The following TBCCD1 variants were observed in gnomAD, a reference collection of about 807,000 sequenced individuals.
The protein encoded by TBCCD1 is TBCC domain containing 1.
TBCCD1 carries 26 observed loss-of-function variants against 53.4 expected under a neutral mutation model. The observed-to-expected ratio is 0.49, with a 90% CI of 0.36 to 0.68. The LOEUF is 0.68. Among genes scored for constraint, TBCCD1 ranks in the 30% least tolerant of loss-of-function variants. TBCCD1 has a pLI of 0.00. For synonymous variants in TBCCD1, 245 were observed against 241.7 expected, an observed-to-expected ratio of 1.01 and a Z score of -0.13; for missense variants, 558 against 669.5, an observed-to-expected ratio of 0.83 and a Z score of 1.84.
intron 2 of TBCCD1, among the ~76,000 whole-genome samples, chr3:186,562,671 G>T (rs549113704): frequency 6.6e-6 from 1 of 150,712 alleles, no homozygotes; most frequent in Non-Finnish European, 1.5e-5. Flanking sequence ...TAAGACAGTA[G>T]ATCTTATGTT....
chr3:186,550,361 GA>G (rs772591656), intron 7 of TBCCD1, among the ~76,000 whole-genome samples: 2 of 152,082 alleles, frequency 1.3e-5, no homozygotes, highest in African/African-American at 2.4e-5. Context: ...AAGGCAAGTG[GA>G]TCACCTGAGG....
intron 6 of TBCCD1, 100 bp from the exon 7 acceptor site, chr3:186,551,379 G>T: frequency 8.6e-7 from 1 of 1,167,454 alleles, no homozygotes; most frequent in Non-Finnish European, 1.2e-6. Context: ...AATGTTAAAT[G>T]ATTAATTATT....
chr3:186,569,566 G>T (rs554704561), upstream of TBCCD1, among the ~76,000 whole-genome samples: 1 of 151,152 alleles, frequency 6.6e-6, no homozygotes, highest in Non-Finnish European at 1.5e-5. Context: ...TGCTCCGCCC[G>T]TCTCGGCCTC....
chr3:186,556,007 C>CT (rs1382648178), intron 4 of TBCCD1, among the ~76,000 whole-genome samples: 1 of 152,136 alleles, frequency 6.6e-6, no homozygotes, highest in Admixed American at 6.5e-5. Context: ...CTGTACCTCC[C>CT]TGCAAGCCAC....
intron 7 of TBCCD1, among the ~76,000 whole-genome samples, chr3:186,549,475 C>T (rs1025542889): frequency 6.6e-6 from 1 of 151,988 alleles, no homozygotes; most frequent in Non-Finnish European, 1.5e-5. Context: ...AGTTTAAGAC[C>T]AGCCTGGACA....
chr3:186,561,486 G>A (rs1714687224), intron 2 of TBCCD1, among the ~76,000 whole-genome samples: 1 of 152,168 alleles, frequency 6.6e-6, no homozygotes, highest in Non-Finnish European at 1.5e-5. Context: ...ATGTAAACTG[G>A]TACAGCCATT....
At position 186,546,631 on chromosome 3, in the gene TBCCD1, C is replaced by A. The variant is rs1408350458; in HGVS notation, c.*346G>T. On this transcript the variant is annotated 3_prime_UTR_variant, in exon 8 of 8. Coordinates refer to ENST00000338733, the MANE Select transcript of TBCCD1 (RefSeq NM_018138.5). Reference sequence around the variant, plus strand: ...GATCACGAGGTCAGGAAATCGAGACCATCCTGACTAACACGGTGAAACCCC... The same window carrying A: ...GATCACGAGGTCAGGAAATCGAGACAATCCTGACTAACACGGTGAAACCCC... 1 of 152,134 alleles carries A rather than the reference C, an allele frequency of 6.6e-6. No homozygotes were observed. The highest frequency in any genetic ancestry group is 1.5e-5 in the Non-Finnish European group (1 of 68,070). 9.4% of individuals were successfully genotyped at this position (152,134 alleles called of 1,614,324 possible). A position where few individuals can be genotyped will look rare whatever the true frequency, so the allele number is the denominator to read the frequency against.
rs1473134076 is a variant in TBCCD1, at chr3:186,561,491, GC to G, written c.336+2502del. 7.2e-5 allele frequency among the ~76,000 whole-genome samples: 11 copies of G among 152,274 alleles called. No homozygotes were observed. The South Asian group carries it at 2.3e-3, about 32-fold the overall frequency. ...GTCAGTGAGAATGTAAACTGGTACA[GC>G]CATTATAAAAAATAGGGCCGGGCGC... is the stretch of plus-strand genomic sequence containing the variant. On this transcript the variant is annotated intron_variant, in intron 2 of 7. Coordinates refer to ENST00000338733, the MANE Select transcript of TBCCD1 (RefSeq NM_018138.5).
chr3:186,554,396 C>T lies in TBCCD1; in HGVS notation c.1402G>A (p.Val468Ile). Residue 468 changes from valine to isoleucine, a missense_variant, in exon 6 of 8, where the codon GTA becomes ATA. By Grantham distance (29) the Val-to-Ile change is conservative. Coordinates refer to ENST00000338733, the MANE Select transcript of TBCCD1 (RefSeq NM_018138.5). ...TCCATTTCAAAGGGAATAATAAATACATAGAATTCACAAGGTGGTAAAAGC... is the reference window on the plus strand; with the variant it reads ...TCCATTTCAAAGGGAATAATAAATATATAGAATTCACAAGGTGGTAAAAGC... ...FQLLPPCEFY[V>I]FIIPFEMEGD... 6.2e-7 allele frequency: 1 copy of T among 1,614,240 alleles called. No homozygotes were observed. Among genetic ancestry groups the T allele is most frequent in the Non-Finnish European group, 8.5e-7 (1 of 1,180,054 alleles).
intron 2 of TBCCD1, among the ~76,000 whole-genome samples, chr3:186,561,920 T>C (rs901278456): frequency 5.9e-5 from 9 of 152,218 alleles, no homozygotes; most frequent in Non-Finnish European, 1.2e-4. Flanking sequence ...ATACCTGCAC[T>C]CCCATGTTCA....
In TBCCD1 at chr3:186,556,778, A is replaced by T. The variant is rs1281828991; in HGVS notation, c.493-3T>A. The stretch of plus-strand genomic sequence containing the variant: ...TGGTGACTGTAATCATTCCAGTTCT[A>T]AAAAAAAGTTAAAAGAAAGCACTCT... On this transcript the variant is annotated splice_polypyrimidine_tract_variant and splice_region_variant and intron_variant, in intron 3 of 7. Transcript: ENST00000338733. The T allele has an allele frequency of 6.3e-7, 1 of 1,598,780 alleles. No homozygotes were observed.
upstream of TBCCD1, among the ~76,000 whole-genome samples, chr3:186,568,887 A>C (rs1714914212): frequency 6.7e-6 from 1 of 149,730 alleles, no homozygotes; most frequent in Non-Finnish European, 1.5e-5. Flanking sequence ...TGGGCGACAG[A>C]GCGAGACTCT....
intron 7 of TBCCD1, among the ~76,000 whole-genome samples, chr3:186,547,692 C>T (rs867491825): frequency 4.0e-5 from 6 of 150,486 alleles, no homozygotes; most frequent in East Asian, 3.9e-4. Context: ...CTGCAAGCTT[C>T]GCCTCCAAGG....
chr3:186,564,714 AG>A (rs1454745751), intron 1 of TBCCD1, among the ~76,000 whole-genome samples: 1 of 152,228 alleles, frequency 6.6e-6, no homozygotes, highest in Non-Finnish European at 1.5e-5. Context: ...TTCTACTCTG[AG>A]GGGGAACACT....
chr3:186,560,152 CCTT>C (rs756564940), intron 2 of TBCCD1, among the ~76,000 whole-genome samples: 10,545 of 152,054 alleles, frequency 0.069, 427 homozygotes, highest in African/African-American at 0.12. Context: ...AGGATCCTTG[CCTT>C]TTCCATTTTT....
At chr3:186,556,018 C>T (rs560356995) in intron 4 of TBCCD1, among the ~76,000 whole-genome samples, 23 of 152,112 alleles carry the variant, frequency 1.5e-4, no homozygotes, top group Non-Finnish European at 2.6e-4. Context: ...TGCAAGCCAC[C>T]GGGACACCCT....
upstream of TBCCD1, chr3:186,570,064 T>G (rs1194801881): frequency 1.5e-6 from 1 of 682,424 alleles, no homozygotes; most frequent in South Asian, 1.5e-5. Context: ...GTTGATAAAC[T>G]TAGGCTCAGA....
chr3:186,555,760 T>C lies in TBCCD1; in HGVS notation c.859+649A>G, dbSNP rs574459066. Among the ~76,000 whole-genome samples, 518 of 152,250 alleles carry C rather than the reference T, an allele frequency of 3.4e-3. 3 individuals carry two copies. Among genetic ancestry groups the C allele is most frequent in the Middle Eastern group, 0.014 (4 of 294 alleles). The stretch of plus-strand genomic sequence containing the variant: ...TTTTAGTAGAGCTGAGGTTTCTCCA[T>C]GTTGGCCAGGCTGGTCTCGAACTCC... On this transcript the variant is annotated intron_variant, in intron 4 of 7. Transcript: ENST00000338733.
In TBCCD1 at chr3:186,556,621, A is replaced by G. The variant is rs1241547945; in HGVS notation, c.647T>C (p.Ile216Thr). The G allele has an allele frequency of 1.2e-6, 2 of 1,614,204 alleles. No homozygotes were observed. The highest frequency in any genetic ancestry group is 1.7e-6 in the Non-Finnish European group (2 of 1,180,032). ...REAVVALSFL[I>T]EGTISRARKI... ...CCTGGCTCTACTTATTGTACCTTCAATAAGGAAGCTGAGCGCCACAACAGC... is the reference window on the plus strand; with the variant it reads ...CCTGGCTCTACTTATTGTACCTTCAGTAAGGAAGCTGAGCGCCACAACAGC... The change falls in exon 4 of 8, where the codon ATT becomes ACT. Residue 216 changes from isoleucine to threonine, a missense_variant. Ile to Thr is a moderately conservative substitution (Grantham distance 89). Transcript: ENST00000338733.
Sources: allele counts gnomAD v4.1 joint callset (sites outside exome capture counted in the v4.1 genomes callset), GRCh38; gene constraint gnomAD v4.1.1; transcripts MANE v1.5; gene names NCBI Gene and HGNC (gene_info 2026-07-23, HGNC 2026-07-21).